Variants in HIP1R observed in about 807,000 individuals in gnomAD.
The protein encoded by HIP1R is huntingtin interacting protein 1 related, also known as huntingtin-interacting protein 1-related protein.
HIP1R carries 135 observed loss-of-function variants against 144.2 expected under a neutral mutation model. The observed-to-expected ratio is 0.94, with a 90% CI of 0.81 to 1.08. HIP1R has a LOEUF of 1.08. Ranked by LOEUF, HIP1R falls within the 50% of genes least tolerant of loss-of-function variation. The pLI is 0.00. For synonymous variants in HIP1R, 698 were observed against 612.8 expected (o/e 1.14, Z -2.05); for missense variants, 1,462 against 1,432.8 (o/e 1.02, Z -0.33).
In HIP1R at chr12:122,861,530, G is replaced by A; in HGVS notation, c.3159+16G>A. Reference sequence around the variant, plus strand: ...GGACCACCAGGTGCCGTCTGCACTGGGATGGGGGAGTTCCTGGACGGGGGT... The same window carrying A: ...GGACCACCAGGTGCCGTCTGCACTGAGATGGGGGAGTTCCTGGACGGGGGT... On this transcript the variant is annotated intron_variant, in intron 31 of 31. Transcript: ENST00000253083. The A allele has an allele frequency of 6.2e-7, 1 of 1,604,548 alleles. No homozygotes were observed. Among genetic ancestry groups the A allele is most frequent in the Non-Finnish European group, 8.5e-7 (1 of 1,175,694 alleles).
intron 31 of HIP1R, 83 bp downstream of exon 31, chr12:122,861,597 G>T: frequency 6.4e-7 from 1 of 1,565,444 alleles, no homozygotes; most frequent in East Asian, 2.3e-5. Context: ...CACGTCCCTG[G>T]GGAAGTCAGG....
upstream of HIP1R, among the ~76,000 whole-genome samples, chr12:122,835,239 T>G (rs1259130212): frequency 3.7e-3 from 77 of 20,748 alleles, no homozygotes; most frequent in East Asian, 8.3e-3. Context: ...CGCCGCGGGA[T>G]GGGGGGTTGG....
At chr12:122,834,893 T>A, upstream of HIP1R, 1 of 1,182,424 alleles carries the variant, frequency 8.5e-7, no homozygotes, top group Non-Finnish European at 1.1e-6. Context: ...TTTTGACACA[T>A]ACATTAAGAC....
chr12:122,850,323 G>GCGCCCCCTGGTTCAGT (rs1479370646), intron 5 of HIP1R: 2 of 498,192 alleles, frequency 4.0e-6, no homozygotes, highest in African/African-American at 3.9e-5. Flanking sequence ...GTCCAGCGTG[G>GCGCCCCCTGGTTCAGT]GGCCCCCTGG....
In HIP1R at chr12:122,851,246, A is replaced by C; in HGVS notation, c.526A>C (p.Thr176Pro). The C allele has an allele frequency of 6.5e-7, 1 of 1,534,224 alleles. No homozygotes were observed. Among genetic ancestry groups the C allele is most frequent in the Non-Finnish European group, 8.7e-7 (1 of 1,148,766 alleles). ...GTDVNNIFQL[T>P]VEMFDYMDCE... The stretch of plus-strand genomic sequence containing the variant: ...ACTTCTCTTGCGTAGCTTCCAGCTC[A>C]CTGTGGAGATGTTTGATTACATGGA... Residue 176 changes from threonine to proline, a missense_variant, in exon 7 of 32, where the codon ACT becomes CCT. Thr to Pro is a conservative substitution (Grantham distance 38). Transcript: ENST00000253083.
chr12:122,847,235 C>T lies in HIP1R; in HGVS notation c.94-796C>T, dbSNP rs535724198. ...GGCCGGGTTGTAGTGATGGTACCGC[C>T]GTGAGCCCTCCTCGAGAGCACAGTC... is the stretch of plus-strand genomic sequence containing the variant. On this transcript the variant is annotated intron_variant, in intron 1 of 31. Transcript: ENST00000253083. 7.5e-4 allele frequency among the ~76,000 whole-genome samples: 113 copies of T among 150,370 alleles called. 1 individual carries two copies. Among genetic ancestry groups the T allele is most frequent in the Admixed American group, 2.2e-3 (33 of 15,140 alleles).
At chr12:122,847,256 C>T (rs747606135) in intron 1 of HIP1R, among the ~76,000 whole-genome samples, 182 of 151,444 alleles carry the variant, frequency 1.2e-3, no homozygotes, top group Middle Eastern at 3.4e-3. Flanking sequence ...CTCGAGAGCA[C>T]AGTCACGTCC....
At position 122,856,042 on chromosome 12, in the gene HIP1R, G is replaced by T; in HGVS notation, c.1191G>T (p.Glu397Asp). Residue 397 changes from glutamate (E) to aspartate (D), a missense_variant, in exon 14 of 32, where the codon GAG becomes GAT. By Grantham distance (45) the Glu-to-Asp change is conservative. Transcript: ENST00000253083. ...ATGCACTGGAGGGTGAGCTGGAGGA[G>T]CAGCGGAAGCAGAAGCAGAAGGCCC... ...QVNALEGELE[E>D]QRKQKQKALV... The T allele has an allele frequency of 6.3e-7, 1 of 1,594,372 alleles. No homozygotes were observed. Among genetic ancestry groups the T allele is most frequent in the Non-Finnish European group, 8.5e-7 (1 of 1,170,774 alleles).
At chr12:122,852,577 A>G (rs185626141) in intron 7 of HIP1R, among the ~76,000 whole-genome samples, 1 of 152,328 alleles carries the variant, frequency 6.6e-6, no homozygotes, top group East Asian at 1.9e-4. Context: ...AATGGGGTGT[A>G]CCAGCATCTG....
At chr12:122,846,673 G>A (rs1204835032) in intron 1 of HIP1R, among the ~76,000 whole-genome samples, 2 of 152,148 alleles carry the variant, frequency 1.3e-5, no homozygotes, top group Admixed American at 1.3e-4. Context: ...CAGGGCTCAG[G>A]GCAGCCCCAG....
At position 122,858,921 on chromosome 12, in the gene HIP1R, C is replaced by T. The variant is rs557436940; in HGVS notation, c.2134C>T (p.Leu712=). ...CATCAATGGCGGTGCCACCTCGCAC[C>T]TGGCTCCCACCGACCCTGCCGACCG... ...TIINGGATSH[L]APTDPADRLI... The change falls in exon 21 of 32, where the codon CTG becomes TTG. Residue 712 remains leucine (L), a synonymous_variant. Transcript: ENST00000253083. 55 of 1,613,108 alleles carry T rather than the reference C, an allele frequency of 3.4e-5. No individual in the cohort carries two copies. In the South Asian group the frequency reaches 5.4e-4, roughly 16 times the overall value.
rs1359859435 is a variant in HIP1R at position 122,835,520 on chromosome 12, G to A, written c.-31G>A. ...CGTGAGGCTGTGAGTCGCGCGGACG[G>A]AGCCGGACAAAAGCGGGCGGCGGCG... On this transcript the variant is annotated 5_prime_UTR_variant, in exon 1 of 32. Transcript: ENST00000253083. The A allele has an allele frequency of 1.5e-6, 2 of 1,324,236 alleles. No homozygotes were observed. The highest frequency in any genetic ancestry group is 3.5e-5 in the East Asian group (1 of 28,934). 82.0% of individuals were successfully genotyped at this position (1,324,236 alleles called of 1,614,324 possible). A position where few individuals can be genotyped will look rare whatever the true frequency, so the allele number is the denominator to read the frequency against.
intron 1 of HIP1R, 96 bp from the exon 2 acceptor site, chr12:122,847,935 C>A: frequency 2.5e-6 from 3 of 1,180,554 alleles, no homozygotes; most frequent in Non-Finnish European, 2.4e-6. Context: ...TGAACCCAGG[C>A]AGAATCCTGT....
Position 122,861,200 on chromosome 12 carries a change from C to T in HIP1R, c.2952+8C>T, listed in dbSNP as rs2033760349. ...CAGGAGATGGAGACCCAGGTAGGCGCCCATGGCTGCCCCGTGACCTCTGAG... is the reference window on the plus strand; with the variant it reads ...CAGGAGATGGAGACCCAGGTAGGCGTCCATGGCTGCCCCGTGACCTCTGAG... On this transcript the variant is annotated splice_region_variant and intron_variant, in intron 30 of 31. Transcript: ENST00000253083. The T allele has an allele frequency of 6.6e-7, 1 of 1,507,934 alleles. No individual in the cohort carries two copies. The highest frequency in any genetic ancestry group is 8.9e-7 in the Non-Finnish European group (1 of 1,126,120). 93.4% of individuals were successfully genotyped at this position (1,507,934 alleles called of 1,614,324 possible).
At chr12:122,856,767 C>T in intron 17 of HIP1R, 41 bp downstream of exon 17, 3 of 1,490,086 alleles carry the variant, frequency 2.0e-6, no homozygotes, top group Non-Finnish European at 2.7e-6. Flanking sequence ...GTTCTGGGGC[C>T]AGTCCTGGGT....
chr12:122,837,182 G>T (rs1407224402), intron 1 of HIP1R, among the ~76,000 whole-genome samples: 2 of 152,062 alleles, frequency 1.3e-5, no homozygotes, highest in Non-Finnish European at 2.9e-5. Flanking sequence ...GGAGGAGATG[G>T]GATGTGAAGG....
At chr12:122,856,770 T>C in intron 17 of HIP1R, 44 bp downstream of exon 17, 1 of 1,478,154 alleles carries the variant, frequency 6.8e-7, no homozygotes, top group Non-Finnish European at 9.2e-7. Flanking sequence ...CTGGGGCCAG[T>C]CCTGGGTGGA....
chr12:122,861,302 CTACAGGTGCGTGT>C lies in HIP1R; in HGVS notation c.2953-5_2960del. ...GGGCTGGGCTGAGCAGGCCGTGTGG[CTACAGGTGCGTGT>C]CCTGGAGCTGGAGAAGACGCTGGAG... is the stretch of plus-strand genomic sequence containing the variant. On this transcript the variant is annotated splice_acceptor_variant and splice_polypyrimidine_tract_variant and coding_sequence_variant and intron_variant, in exon 31 of 32. Transcript: ENST00000253083. LOFTEE classifies it high-confidence loss of function. The C allele has an allele frequency of 6.2e-7, 1 of 1,613,510 alleles. No individual in the cohort carries two copies. Among genetic ancestry groups the C allele is most frequent in the East Asian group, 2.2e-5 (1 of 44,860 alleles).
In HIP1R at chr12:122,861,450, G is replaced by C. The variant is rs2033769251; in HGVS notation, c.3095G>C (p.Ser1032Thr). ...VAIRPSTAPRSVTTKKPPLAQ... is the reference protein window; with the variant it reads ...VAIRPSTAPRTVTTKKPPLAQ... ...ATCCGGCCCAGCACTGCCCCCCGAAGTGTAACCACCAAGAAACCACCCCTG... is the reference window on the plus strand; with the variant it reads ...ATCCGGCCCAGCACTGCCCCCCGAACTGTAACCACCAAGAAACCACCCCTG... The change falls in exon 31 of 32, where the codon AGT becomes ACT. Residue 1032 changes from serine (S) to threonine (T), a missense_variant. Physicochemically the swap from Ser to Thr is moderately conservative, Grantham distance 58. Around this residue, in one of 2 missense-constraint regions of HIP1R, gnomAD observed 1,112 missense variants for 1,011.7 expected, o/e 1.10. Transcript: ENST00000253083. The C allele has an allele frequency of 6.2e-7, 1 of 1,613,542 alleles. No individual in the cohort carries two copies. The highest frequency in any genetic ancestry group is 8.5e-7 in the Non-Finnish European group (1 of 1,179,890).
Sources: allele counts gnomAD v4.1 joint callset (sites outside exome capture counted in the v4.1 genomes callset), GRCh38; gene constraint gnomAD v4.1.1; regional missense constraint gnomAD v4.1.1; transcripts MANE v1.5; gene names NCBI Gene and HGNC (gene_info 2026-07-23, HGNC 2026-07-21).